PDXDC1: variants seen among roughly 807,000 people sequenced by gnomAD.
PDXDC1 encodes the protein pyridoxal-dependent decarboxylase domain-containing protein 1.
A neutral mutation model predicts 100.1 loss-of-function variants in PDXDC1; 42 were observed. That is an observed-to-expected ratio of 0.42 (90% CI 0.33 to 0.54). The LOEUF is 0.54. Among genes scored for constraint, PDXDC1 ranks in the 20% least tolerant of loss-of-function variants. The pLI is 0.10. For missense variants in PDXDC1, 636 were observed against 979.2 expected, an observed-to-expected ratio of 0.65 and a Z score of 4.68; for synonymous variants, 260 against 371.7, an observed-to-expected ratio of 0.70 and a Z score of 3.46.
downstream of PDXDC1, chr16:15,038,337 G>C: frequency 2.9e-6 from 2 of 697,250 alleles, no homozygotes; most frequent in Non-Finnish European, 2.3e-6. Flanking sequence ...AAATGAGGTG[G>C]CCTGAATTAG....
At chr16:15,042,303 A>G (rs934072866), downstream of PDXDC1, among the ~76,000 whole-genome samples, 1 of 150,698 alleles carries the variant, frequency 6.6e-6, no homozygotes, top group African/African-American at 2.5e-5. Context: ...TTCCTGCCTC[A>G]GCCTCCCAAG....
At chr16:15,122,799 A>AC (rs1327606489) in intron 16 of PDXDC1, among the ~76,000 whole-genome samples, 1 of 86,360 alleles carries the variant, frequency 1.2e-5, no homozygotes, top group Non-Finnish European at 2.3e-5. Context: ...GGGGACGGGG[A>AC]CTGGGCGGGA....
chr16:15,037,881 G>GAAAGTCATTTGATGAAAGTCATTTGAA lies in PDXDC1; in HGVS notation c.*1608_*1634dup, dbSNP rs2043586093. 1.8e-6 allele frequency: 1 copy of GAAAGTCATTTGATGAAAGTCATTTGAA among 552,252 alleles called. No homozygotes were observed. Among genetic ancestry groups the GAAAGTCATTTGATGAAAGTCATTTGAA allele is most frequent in the South Asian group, 3.2e-5 (1 of 31,398 alleles). The allele number at this position is 552,252 out of a possible 1,614,324, so 34.2% of individuals were successfully genotyped here. On this transcript the variant is annotated 3_prime_UTR_variant, in exon 23 of 23. Transcript: ENST00000396410. ...CTTTGCCAAAATAAGGTTTTATTTT[G>GAAAGTCATTTGATGAAAGTCATTTGAA]AAAGTCATTTGATGAAAGTCATTTG...
At chr16:14,984,315 C>CTTTTT (rs1167894912) in intron 1 of PDXDC1, among the ~76,000 whole-genome samples, 1 of 106,840 alleles carries the variant, frequency 9.4e-6, no homozygotes. Flanking sequence ...GCACCCCCGC[C>CTTTTT]TTTTTTTTTT....
chr16:15,038,355 A>G, downstream of PDXDC1: 1 of 584,006 alleles, frequency 1.7e-6, no homozygotes. Flanking sequence ...TAGTAAGAAA[A>G]AAGTTGATTG....
At chr16:15,048,562 T>C (rs2151718175) in intron 16 of PDXDC1, among the ~76,000 whole-genome samples, 1 of 152,140 alleles carries the variant, frequency 6.6e-6, no homozygotes, top group Non-Finnish European at 1.5e-5. Flanking sequence ...TTAACAATTT[T>C]ACCATTGTAA....
intron 16 of PDXDC1, among the ~76,000 whole-genome samples, chr16:15,080,500 T>A (rs1413238142): frequency 6.6e-6 from 1 of 152,214 alleles, no homozygotes; most frequent in Admixed American, 6.5e-5. Context: ...AGTGGTGCAA[T>A]CATAGCTCAC....
intron 5 of PDXDC1, among the ~76,000 whole-genome samples, chr16:15,005,304 CAAAAAAA>C (rs74858191): frequency 3.7e-5 from 2 of 54,714 alleles, no homozygotes; most frequent in East Asian, 1.5e-3. Flanking sequence ...GACTCTGTCT[CAAAAAAA>C]AAAAAAAAAG....
chr16:15,027,788 G>C (rs375563232), intron 14 of PDXDC1, among the ~76,000 whole-genome samples: 61 of 152,394 alleles, frequency 4.0e-4, no homozygotes, highest in Middle Eastern at 6.8e-3. Flanking sequence ...AGCCACTTCT[G>C]TCTGCCCACT....
At chr16:15,062,947 T>C (rs918641392) in intron 16 of PDXDC1, among the ~76,000 whole-genome samples, 4 of 152,224 alleles carry the variant, frequency 2.6e-5, no homozygotes, top group East Asian at 1.9e-4. Context: ...ACTGCAGCCT[T>C]GACCTCCCAC....
intron 16 of PDXDC1, chr16:15,132,634 CG>C: frequency 1.3e-6 from 1 of 772,194 alleles, no homozygotes; most frequent in Non-Finnish European, 2.2e-6. Context: ...CTCAGCTCCT[CG>C]GCCAAGCTGC....
downstream of PDXDC1, chr16:15,038,708 G>A (rs2043663612): frequency 7.3e-7 from 1 of 1,375,360 alleles, no homozygotes; most frequent in South Asian, 1.2e-5. Flanking sequence ...ACGTGTCAAG[G>A]ATAGAATTTC....
At chr16:15,004,774 A>G (rs1329180652) in intron 5 of PDXDC1, among the ~76,000 whole-genome samples, 1 of 152,244 alleles carries the variant, frequency 6.6e-6, no homozygotes, top group East Asian at 1.9e-4. Context: ...CCTTATATAA[A>G]ATAGCACAGT....
At chr16:15,124,947 G>A (rs1431286255) in intron 16 of PDXDC1, among the ~76,000 whole-genome samples, 1 of 151,266 alleles carries the variant, frequency 6.6e-6, no homozygotes, top group Non-Finnish European at 1.5e-5. Flanking sequence ...AGGAGTTCGA[G>A]ACCAGCCTCA....
At chr16:15,095,859 A>G (rs1461283398) in intron 16 of PDXDC1, among the ~76,000 whole-genome samples, 1 of 106,904 alleles carries the variant, frequency 9.4e-6, no homozygotes, top group Non-Finnish European at 2.0e-5. Flanking sequence ...AAAAAAAAAA[A>G]AGGTGTGTGT....
At chr16:15,049,145 T>C (rs2044199410) in intron 16 of PDXDC1, among the ~76,000 whole-genome samples, 1 of 150,930 alleles carries the variant, frequency 6.6e-6, no homozygotes, top group South Asian at 2.1e-4. Context: ...CCACCCACCC[T>C]GGCCTCCCAA....
chr16:15,031,112 A>ATTTT (rs771115923), intron 16 of PDXDC1, among the ~76,000 whole-genome samples: 2 of 73,956 alleles, frequency 2.7e-5, no homozygotes, highest in East Asian at 5.6e-4. Flanking sequence ...CACCACATCT[A>ATTTT]TTTTTTTTTT....
intron 13 of PDXDC1, chr16:15,026,272 A>G (rs1408030734): frequency 6.9e-6 from 2 of 288,914 alleles, no homozygotes; most frequent in Non-Finnish European, 1.2e-5. Context: ...AATCCTGCAT[A>G]ATTTCTGGGA....
intron 16 of PDXDC1, among the ~76,000 whole-genome samples, chr16:15,128,793 A>G (rs1598221397): frequency 1.3e-5 from 2 of 149,016 alleles, no homozygotes; most frequent in Admixed American, 1.3e-4. Context: ...CCAGTGACAG[A>G]CCCAGGTGAC....
Sources: gnomAD v4.1 joint callset for allele counts (sites outside exome capture counted in the v4.1 genomes callset) on GRCh38, gnomAD v4.1.1 for gene constraint, MANE v1.5 for transcripts, NCBI Gene and HGNC (gene_info 2026-07-23, HGNC 2026-07-21) for gene names.